The following PSMB7 variants were observed in gnomAD, a reference collection of about 807,000 sequenced individuals.
PSMB7 encodes the protein proteasome subunit beta type-7.
In PSMB7, 5 loss-of-function variants were observed where a neutral mutation model predicts 28.1. That is an observed-to-expected ratio of 0.18 (90% CI 0.09 to 0.37). The LOEUF (loss-of-function observed/expected upper bound fraction) is 0.37. Ranked by LOEUF, PSMB7 falls within the 10% of genes least tolerant of loss-of-function variation. The pLI, the probability that PSMB7 is intolerant of heterozygous loss-of-function variation, is 1.00. For synonymous variants in PSMB7, 122 were observed against 123.7 expected (o/e 0.99, Z 0.09); for missense variants, 275 against 346.2 (o/e 0.79, Z 1.63).
In PSMB7 at chr9:124,412,303, A is replaced by C. The variant is rs371369773; in HGVS notation, c.395+49T>G. On this transcript the variant is annotated intron_variant, in intron 4 of 7. Transcript: ENST00000259457. The stretch of plus-strand genomic sequence containing the variant: ...GGCTTCTCTTGGCTGAAAAAAATCT[A>C]AGATATGAGAAGAAGATACTAGTAG... 500 of 1,552,376 alleles carry C rather than the reference A, an allele frequency of 3.2e-4. 1 individual carries two copies. The highest frequency in any genetic ancestry group is 3.7e-4 in the Non-Finnish European group (421 of 1,135,042).
chr9:124,389,156 G>C lies in PSMB7; in HGVS notation c.512-4500C>G, dbSNP rs186357690. Among the ~76,000 whole-genome samples the C allele has an allele frequency of 1.2e-3, 177 of 152,264 alleles. 2 individuals carry two copies. In the South Asian group the frequency reaches 0.023, roughly 20 times the overall value. On this transcript the variant is annotated intron_variant, in intron 5 of 7. Coordinates refer to ENST00000259457, the MANE Select transcript of PSMB7 (RefSeq NM_002799.4). The stretch of plus-strand genomic sequence containing the variant: ...TGAATATAAGACAAACTCAAGTGTA[G>C]AGCCAGTTCAATTTTCAAAAAGGAA...
intron 5 of PSMB7, among the ~76,000 whole-genome samples, chr9:124,394,362 T>C (rs1175080629): frequency 6.6e-6 from 1 of 152,198 alleles, no homozygotes; most frequent in Non-Finnish European, 1.5e-5. Flanking sequence ...ATAAAGGCAC[T>C]TTCCTTTAGC....
Position 124,356,275 on chromosome 9 carries a change from T to C in PSMB7, c.722+489A>G, listed in dbSNP as rs533693075. On this transcript the variant is annotated intron_variant, in intron 7 of 7. Coordinates refer to ENST00000259457, the MANE Select transcript of PSMB7 (RefSeq NM_002799.4). This position sits in a 1 kb window ranked among gnomAD's most constrained non-coding sequence, Gnocchi z 4.4. Reference sequence around the variant, plus strand: ...ACTGAGCCGAGGGGCCCACTCGGCATGTAGGCTCAGGCTCAATGGCACAAC... The same window carrying C: ...ACTGAGCCGAGGGGCCCACTCGGCACGTAGGCTCAGGCTCAATGGCACAAC... 6.6e-5 allele frequency among the ~76,000 whole-genome samples: 10 copies of C among 152,304 alleles called. No homozygotes were observed. The highest frequency in any genetic ancestry group is 3.4e-3 in the Middle Eastern group (1 of 294).
intron 5 of PSMB7, among the ~76,000 whole-genome samples, chr9:124,404,449 T>C (rs776668033): frequency 6.6e-6 from 1 of 152,142 alleles, no homozygotes; most frequent in Non-Finnish European, 1.5e-5. Flanking sequence ...GTAGCCCTTA[T>C]CCAAAATGCC....
At chr9:124,370,361 GA>G (rs35515597) in intron 6 of PSMB7, among the ~76,000 whole-genome samples, 80 of 141,608 alleles carry the variant, frequency 5.6e-4, no homozygotes, top group South Asian at 1.5e-3. Context: ...GGCTGTCATG[GA>G]AAAAAAAAAA....
At chr9:124,389,474 G>T (rs776278744) in intron 5 of PSMB7, among the ~76,000 whole-genome samples, 43 of 152,294 alleles carry the variant, frequency 2.8e-4, no homozygotes, top group Admixed American at 9.1e-4. Flanking sequence ...GTGAATGTAA[G>T]TGAGGACACT....
intron 4 of PSMB7, among the ~76,000 whole-genome samples, chr9:124,410,432 C>CT (rs1367562970): frequency 2.0e-5 from 3 of 152,090 alleles, no homozygotes; most frequent in Admixed American, 2.0e-4. Flanking sequence ...TAAAAATTGC[C>CT]TTTATTACAT....
intron 6 of PSMB7, among the ~76,000 whole-genome samples, chr9:124,365,186 C>T (rs1452907637): frequency 6.6e-6 from 1 of 152,210 alleles, no homozygotes; most frequent in Non-Finnish European, 1.5e-5. Context: ...ACAATGGAGA[C>T]AGGCCTGAAC....
At chr9:124,397,065 G>C (rs1049142111) in intron 5 of PSMB7, among the ~76,000 whole-genome samples, 2 of 152,050 alleles carry the variant, frequency 1.3e-5, no homozygotes, top group Non-Finnish European at 2.9e-5. Context: ...TCTTTTTGGA[G>C]AATAAGCCAC....
chr9:124,387,889 TAA>T (rs758533851), intron 5 of PSMB7, among the ~76,000 whole-genome samples: 22 of 140,494 alleles, frequency 1.6e-4, no homozygotes, highest in Admixed American at 4.3e-4. Flanking sequence ...GTTGGCCATT[TAA>T]AAAAAAAAAA....
Position 124,413,893 on chromosome 9 carries a change from C to G in PSMB7, c.254+15G>C. ...TTTGAAAATATAAGAGTTATTCAAA[C>G]GAATCAATACTTACTAAATATTAGG... On this transcript the variant is annotated intron_variant, in intron 3 of 7. Transcript: ENST00000259457. 1 of 1,543,414 alleles carries G rather than the reference C, an allele frequency of 6.5e-7. No individual in the cohort carries two copies.
chr9:124,409,669 T>C lies in PSMB7; in HGVS notation c.395+2683A>G, dbSNP rs76174701. Among the ~76,000 whole-genome samples the C allele has an allele frequency of 4.8e-3, 736 of 152,378 alleles. 7 individuals carry two copies. The highest frequency in any genetic ancestry group is 0.017 in the African/African-American group (703 of 41,584). Reference sequence around the variant, plus strand: ...GGCTCTAACTACGCAGTAGGCTCTGTAGTATGCAAGGTCAGAGCCTAGCTT... The same window carrying C: ...GGCTCTAACTACGCAGTAGGCTCTGCAGTATGCAAGGTCAGAGCCTAGCTT... On this transcript the variant is annotated intron_variant, in intron 4 of 7. Transcript: ENST00000259457.
chr9:124,360,812 TATA>T (rs991937604), intron 6 of PSMB7, among the ~76,000 whole-genome samples: 16 of 152,270 alleles, frequency 1.1e-4, no homozygotes, highest in African/African-American at 3.6e-4. Flanking sequence ...CGCTCTGTAA[TATA>T]ATGATAATAA....
chr9:124,354,087 G>A (rs1359998730), intron 7 of PSMB7, among the ~76,000 whole-genome samples: 1 of 152,158 alleles, frequency 6.6e-6, no homozygotes, highest in Non-Finnish European at 1.5e-5. Flanking sequence ...CAAGAGAAGG[G>A]CATGATTGCT....
At chr9:124,375,547 G>A (rs1235775912) in intron 6 of PSMB7, among the ~76,000 whole-genome samples, 2 of 152,058 alleles carry the variant, frequency 1.3e-5, no homozygotes, top group African/African-American at 4.8e-5. Flanking sequence ...ACGAGATACC[G>A]AAACAGATGT....
At chr9:124,412,546 T>C (rs1831039869) in intron 3 of PSMB7, 54 bp from the exon 4 acceptor site, 1 of 1,591,592 alleles carries the variant, frequency 6.3e-7, no homozygotes, top group Admixed American at 1.7e-5. Context: ...AGGGCTCAAT[T>C]AGAAGTAATG....
chr9:124,382,499 C>G (rs182051587), intron 6 of PSMB7, among the ~76,000 whole-genome samples: 1 of 152,056 alleles, frequency 6.6e-6, no homozygotes, highest in African/African-American at 2.4e-5. Flanking sequence ...TGAGCCGCTG[C>G]GCCCAGTCGA....
chr9:124,361,595 T>C lies in PSMB7; in HGVS notation c.571-4680A>G, dbSNP rs10481691. Among the ~76,000 whole-genome samples the C allele has an allele frequency of 7.2e-3, 1,100 of 152,364 alleles. 13 individuals carry two copies. Among genetic ancestry groups the C allele is most frequent in the African/African-American group, 0.025 (1,038 of 41,582 alleles). ...CATGGGCGATTGTCTGCATTTAATA[T>C]TGGAGCTACTAGTAGCATCTTTAAA... On this transcript the variant is annotated intron_variant, in intron 6 of 7. Transcript: ENST00000259457.
At chr9:124,388,019 C>G (rs145783749) in intron 5 of PSMB7, among the ~76,000 whole-genome samples, 1 of 152,184 alleles carries the variant, frequency 6.6e-6, no homozygotes, top group South Asian at 2.1e-4. Flanking sequence ...CATTCTACTA[C>G]AGCCACCATG....
Sources: gnomAD v4.1 joint callset for allele counts (sites outside exome capture counted in the v4.1 genomes callset) on GRCh38, gnomAD v4.1.1 for gene constraint, Gnocchi (gnomAD v3.1) non-coding constraint, MANE v1.5 for transcripts, NCBI Gene and HGNC (gene_info 2026-07-23, HGNC 2026-07-21) for gene names.